PIK3C2G: variants seen among roughly 807,000 people sequenced by gnomAD.
The protein encoded by PIK3C2G is phosphatidylinositol-4-phosphate 3-kinase catalytic subunit type 2 gamma, also known as phosphatidylinositol 3-kinase C2 domain-containing subunit gamma.
In PIK3C2G, 168 loss-of-function variants were observed where a neutral mutation model predicts 181.1. That is an observed-to-expected ratio of 0.93 (90% CI 0.82 to 1.05). The LOEUF is 1.05. PIK3C2G is among the 50% of genes least tolerant of loss of function. The pLI, the probability that PIK3C2G is intolerant of heterozygous loss-of-function variation, is 0.00. For missense variants in PIK3C2G, 1,869 were observed against 1,732.8 expected, an observed-to-expected ratio of 1.08 and a Z score of -1.40; for synonymous variants, 573 against 592.2, an observed-to-expected ratio of 0.97 and a Z score of 0.47.
intron 18 of PIK3C2G, among the ~76,000 whole-genome samples, chr12:18,462,233 A>T (rs941470649): frequency 5.3e-5 from 8 of 152,172 alleles, no homozygotes; most frequent in Non-Finnish European, 7.3e-5. Flanking sequence ...ACTTTAATCC[A>T]CAGTCTGTTA....
chr12:18,704,137 AC>A, the PIK3C2G span, among the ~76,000 whole-genome samples: 1 of 152,162 alleles, frequency 6.6e-6, no homozygotes, highest in Non-Finnish European at 1.5e-5. Context: ...GTGGAGGTCG[AC>A]AGTATTGAAT....
chr12:18,566,167 T>C (rs1405865396), intron 28 of PIK3C2G, among the ~76,000 whole-genome samples: 1 of 152,202 alleles, frequency 6.6e-6, no homozygotes, highest in Non-Finnish European at 1.5e-5. Flanking sequence ...CATGAAATTA[T>C]CACATACATC....
chr12:18,357,016 G>A (rs1940803646), intron 11 of PIK3C2G, among the ~76,000 whole-genome samples: 2 of 151,992 alleles, frequency 1.3e-5, no homozygotes, highest in African/African-American at 4.8e-5. Context: ...CCTGCCTCCT[G>A]TCTGTATCAA....
At chr12:18,474,543 T>C (rs1015320554) in intron 18 of PIK3C2G, among the ~76,000 whole-genome samples, 1 of 152,108 alleles carries the variant, frequency 6.6e-6, no homozygotes, top group Admixed American at 6.6e-5. Context: ...TTTTCCCAAT[T>C]TGTGAAAATA....
At chr12:18,719,525 G>T in the PIK3C2G span, 1 of 1,584,862 alleles carries the variant, frequency 6.3e-7, no homozygotes, top group Admixed American at 1.7e-5. Flanking sequence ...TTTAATGGAT[G>T]AGTCATATCT....
At chr12:18,564,840 T>A (rs991789149) in intron 28 of PIK3C2G, among the ~76,000 whole-genome samples, 2 of 152,228 alleles carry the variant, frequency 1.3e-5, no homozygotes, top group African/African-American at 2.4e-5. Flanking sequence ...AATATGTTAA[T>A]CTTTGTTTAA....
At chr12:18,521,954 GCA>G (rs1942947440) in intron 24 of PIK3C2G, among the ~76,000 whole-genome samples, 1 of 152,204 alleles carries the variant, frequency 6.6e-6, no homozygotes, top group Non-Finnish European at 1.5e-5. Flanking sequence ...ATGCAGGGTA[GCA>G]CGCTCACTTA....
intron 3 of PIK3C2G, 134 bp downstream of exon 3, chr12:18,287,063 A>T: frequency 2.4e-6 from 1 of 421,868 alleles, no homozygotes; most frequent in Non-Finnish European, 4.3e-6. Flanking sequence ...TAAAAAATAA[A>T]ATTTTTTGAC....
chr12:18,497,559 A>G, intron 21 of PIK3C2G, 60 bp from the exon 22 acceptor site: 1 of 1,395,912 alleles, frequency 7.2e-7, no homozygotes, highest in Non-Finnish European at 1.0e-6. Flanking sequence ...ACTGTATTTG[A>G]CTGCTTTTAA....
chr12:18,270,212 A>T (rs746185945), intron 1 of PIK3C2G, among the ~76,000 whole-genome samples: 3 of 152,066 alleles, frequency 2.0e-5, no homozygotes, highest in Non-Finnish European at 2.9e-5. Context: ...GCACAGCCCG[A>T]CAAGTTTTTC....
At chr12:18,720,457 T>G in the PIK3C2G span, among the ~76,000 whole-genome samples, 6 of 151,172 alleles carry the variant, frequency 4.0e-5, no homozygotes, top group Non-Finnish European at 8.8e-5. Context: ...CACTGTAATA[T>G]GTACCAAAAT....
intron 25 of PIK3C2G, among the ~76,000 whole-genome samples, chr12:18,539,353 T>C (rs1213484917): frequency 6.6e-6 from 1 of 151,842 alleles, no homozygotes; most frequent in Admixed American, 6.6e-5. Flanking sequence ...ATTAATTGAT[T>C]TAAAATTCAT....
intron 11 of PIK3C2G, among the ~76,000 whole-genome samples, chr12:18,360,752 T>C (rs1365960063): frequency 6.6e-6 from 1 of 152,178 alleles, no homozygotes; most frequent in Non-Finnish European, 1.5e-5. Context: ...GAATGTTCTC[T>C]TGTACATGAT....
chr12:18,424,089 C>A, intron 18 of PIK3C2G, 50 bp downstream of exon 18: 1 of 1,029,264 alleles, frequency 9.7e-7, no homozygotes, highest in South Asian at 1.3e-5. Flanking sequence ...GCCACCTTCT[C>A]TATGGGGCAG....
At chr12:18,362,581 C>A (rs1035805177) in intron 11 of PIK3C2G, among the ~76,000 whole-genome samples, 183 bp from the exon 12 acceptor site, 1 of 152,160 alleles carries the variant, frequency 6.6e-6, no homozygotes, top group Non-Finnish European at 1.5e-5. Context: ...GTCTTAGGGC[C>A]TCCTATTCCA....
At chr12:18,499,166 G>A (rs2136096264) in intron 22 of PIK3C2G, among the ~76,000 whole-genome samples, 1 of 152,316 alleles carries the variant, frequency 6.6e-6, no homozygotes, top group South Asian at 2.1e-4. Context: ...ATCCAAAGTT[G>A]TAGATGTCGC....
At chr12:18,354,211 A>T (rs1940495031) in intron 11 of PIK3C2G, among the ~76,000 whole-genome samples, 1 of 152,256 alleles carries the variant, frequency 6.6e-6, no homozygotes, top group African/African-American at 2.4e-5. Flanking sequence ...AAACTTGCCA[A>T]GATCTCCCTT....
At chr12:18,350,866 C>A (rs924872522) in intron 11 of PIK3C2G, among the ~76,000 whole-genome samples, 18 of 151,958 alleles carry the variant, frequency 1.2e-4, no homozygotes, top group Admixed American at 1.2e-3. Context: ...TTTGATGGGG[C>A]CAATATGATA....
intron 26 of PIK3C2G, among the ~76,000 whole-genome samples, chr12:18,549,166 C>T (rs1316413615): frequency 1.3e-5 from 2 of 151,982 alleles, no homozygotes; most frequent in East Asian, 1.9e-4. Flanking sequence ...ATAATTCTCT[C>T]GAACATGCCG....
Sources: gnomAD v4.1 joint callset for allele counts (sites outside exome capture counted in the v4.1 genomes callset) on GRCh38, gnomAD v4.1.1 for gene constraint, MANE v1.5 for transcripts, NCBI Gene and HGNC (gene_info 2026-07-23, HGNC 2026-07-21) for gene names.